The following MYH11 variants were observed in gnomAD, a reference collection of about 807,000 sequenced individuals.
MYH11 encodes the protein myosin-11.
A neutral mutation model predicts 246.6 loss-of-function variants in MYH11; 80 were observed. That is an observed-to-expected ratio of 0.32 (90% CI 0.27 to 0.39). The LOEUF (loss-of-function observed/expected upper bound fraction) is 0.39, where lower values mean the gene tolerates loss of function less well. Among genes scored for constraint, MYH11 ranks in the 10% least tolerant of loss-of-function variants. MYH11 has a pLI of 1.00. For missense variants in MYH11, 2,158 were observed against 2,546.8 expected (o/e 0.85, Z 3.29); for synonymous variants, 1,071 against 1,015.5 (o/e 1.05, Z -1.04).
At chr16:15,764,867 C>A (rs1416940830) in intron 9 of MYH11, among the ~76,000 whole-genome samples, 1 of 152,188 alleles carries the variant, frequency 6.6e-6, no homozygotes, top group Non-Finnish European at 1.5e-5. Flanking sequence ...GTAACAGATG[C>A]CCATGTTGGG....
rs2040261929 is a variant in MYH11, at chr16:15,718,073, G to C, written c.5295+242C>G. On this transcript the variant is annotated intron_variant, in intron 37 of 40. Transcript: ENST00000300036. ...ACTCCAGGGATGGCCGTGAGGTACGGGGAGCCAGCCACGCCGTGGCTGGAA... is the reference window on the plus strand; with the variant it reads ...ACTCCAGGGATGGCCGTGAGGTACGCGGAGCCAGCCACGCCGTGGCTGGAA... 3.3e-6 allele frequency: 2 copies of C among 612,898 alleles called. 1 individual carries two copies. The highest frequency in any genetic ancestry group is 5.9e-5 in the Admixed American group (2 of 33,918). The allele number at this position is 612,898 out of a possible 1,614,324, so 38.0% of individuals were successfully genotyped here.
At chr16:15,850,742 A>G (rs2044309214) in intron 1 of MYH11, among the ~76,000 whole-genome samples, 1 of 152,030 alleles carries the variant, frequency 6.6e-6, no homozygotes, top group Non-Finnish European at 1.5e-5. Context: ...AGAAAATACA[A>G]AAATTAGCCA....
intron 1 of MYH11, among the ~76,000 whole-genome samples, chr16:15,840,744 CCAAA>C (rs915289524): frequency 6.6e-6 from 1 of 151,988 alleles, no homozygotes; most frequent in Non-Finnish European, 1.5e-5. Flanking sequence ...AACCATCCAA[CCAAA>C]CAACTAAAAA....
rs111764434 is a variant in MYH11, at chr16:15,724,412, A to G, written c.4117-3T>C. On this transcript the variant is annotated splice_polypyrimidine_tract_variant and splice_region_variant and intron_variant, in intron 30 of 40. Transcript: ENST00000300036. ...AGCTTCTTCTTCGAGTCGGAGAGCTACAAGGACAGCGTCCAGGGTAGGGTG... is the reference window on the plus strand; with the variant it reads ...AGCTTCTTCTTCGAGTCGGAGAGCTGCAAGGACAGCGTCCAGGGTAGGGTG... The G allele has an allele frequency of 6.2e-7, 1 of 1,613,740 alleles. No individual in the cohort carries two copies. Among genetic ancestry groups the G allele is most frequent in the Non-Finnish European group, 8.5e-7 (1 of 1,180,022 alleles).
chr16:15,705,738 T>C (rs1350685132), intron 40 of MYH11, among the ~76,000 whole-genome samples: 1 of 151,906 alleles, frequency 6.6e-6, no homozygotes, highest in African/African-American at 2.4e-5. Flanking sequence ...TCTCAGCACT[T>C]TGGGAGGCTG....
chr16:15,837,142 C>T (rs1004457097), intron 2 of MYH11, among the ~76,000 whole-genome samples: 4 of 152,194 alleles, frequency 2.6e-5, no homozygotes, highest in African/African-American at 7.2e-5. Flanking sequence ...AATAGTCCTA[C>T]GACCAACCTG....
At chr16:15,850,106 C>T (rs959440078) in intron 1 of MYH11, among the ~76,000 whole-genome samples, 7 of 152,194 alleles carry the variant, frequency 4.6e-5, no homozygotes, top group Admixed American at 1.3e-4. Flanking sequence ...TAAATTAGGC[C>T]GGGCATGGTG....
intron 10 of MYH11, among the ~76,000 whole-genome samples, chr16:15,761,141 C>T (rs1035423788): frequency 2.0e-4 from 31 of 152,092 alleles, no homozygotes; most frequent in Non-Finnish European, 7.4e-5. Flanking sequence ...GACAGAGTCT[C>T]GCTCTGTCGC....
intron 1 of MYH11, among the ~76,000 whole-genome samples, chr16:15,850,253 T>C (rs1019034419): frequency 2.6e-5 from 4 of 151,824 alleles, no homozygotes; most frequent in Non-Finnish European, 4.4e-5. Context: ...GGTGTGGTGG[T>C]GGGCGCCTGT....
chr16:15,767,992 G>A (rs1018355434), intron 9 of MYH11, among the ~76,000 whole-genome samples: 5 of 151,746 alleles, frequency 3.3e-5, no homozygotes, highest in Admixed American at 3.3e-4. Flanking sequence ...TGCTCAGGCT[G>A]GTCTTGAACT....
At chr16:15,718,573 G>T in intron 36 of MYH11, 135 bp from the exon 37 acceptor site, 1 of 1,314,480 alleles carries the variant, frequency 7.6e-7, no homozygotes, top group Non-Finnish European at 1.0e-6. Flanking sequence ...AAGATTAGAA[G>T]ACTCATCTGT....
intron 20 of MYH11, among the ~76,000 whole-genome samples, chr16:15,743,859 G>T (rs1009425840): frequency 2.0e-5 from 3 of 152,164 alleles, no homozygotes; most frequent in African/African-American, 7.2e-5. Flanking sequence ...GGGCATATAA[G>T]GAGAAGCCTA....
intron 20 of MYH11, among the ~76,000 whole-genome samples, chr16:15,744,483 G>A (rs925095115): frequency 1.3e-5 from 2 of 149,956 alleles, no homozygotes; most frequent in Admixed American, 6.7e-5. Context: ...GTGAGCCACC[G>A]TGCCTGGCCT....
At chr16:15,848,077 C>T (rs753705794) in intron 1 of MYH11, among the ~76,000 whole-genome samples, 8 of 152,092 alleles carry the variant, frequency 5.3e-5, no homozygotes, top group Non-Finnish European at 1.0e-4. Flanking sequence ...CTGTTTTGCT[C>T]CTACGAGCCT....
chr16:15,850,651 C>T (rs1486490897), intron 1 of MYH11, among the ~76,000 whole-genome samples: 1 of 152,034 alleles, frequency 6.6e-6, no homozygotes, highest in Non-Finnish European at 1.5e-5. Context: ...AATCCCAACA[C>T]TGGGAGGCCA....
chr16:15,711,143 C>T (rs2039768791), intron 40 of MYH11: 1 of 152,286 alleles, frequency 6.6e-6, no homozygotes. Flanking sequence ...TCCCTGAAGG[C>T]TTGGTGCCCT....
At chr16:15,815,400 T>C (rs1353860011) in intron 3 of MYH11, among the ~76,000 whole-genome samples, 1 of 152,118 alleles carries the variant, frequency 6.6e-6, no homozygotes, top group African/African-American at 2.4e-5. Context: ...ATTTTTGGAA[T>C]TTAATAAAAT....
Position 15,715,189 on chromosome 16 carries a change from T to C in MYH11, c.5588A>G (p.Lys1863Arg), listed in dbSNP as rs199514546. 6.2e-7 allele frequency: 1 copy of C among 1,614,010 alleles called. No homozygotes were observed. The highest frequency in any genetic ancestry group is 2.2e-5 in the East Asian group (1 of 44,884). The change falls in exon 39 of 41, where the codon AAG becomes AGG. Residue 1863 changes from lysine (K) to arginine (R), a missense_variant. Transcript: ENST00000300036. ...EILLQVEDER[K>R]MAEQYKEQAE... Reference sequence around the variant, plus strand: ...CTGCTCCTTGTACTGCTCGGCCATCTTGCGCTCGTCCTCCACCTGCAGCAA... The same window carrying C: ...CTGCTCCTTGTACTGCTCGGCCATCCTGCGCTCGTCCTCCACCTGCAGCAA...
At chr16:15,755,963 T>C (rs1264712985) in intron 14 of MYH11, among the ~76,000 whole-genome samples, 1 of 151,918 alleles carries the variant, frequency 6.6e-6, no homozygotes, top group Non-Finnish European at 1.5e-5. Context: ...CTGGGCATGG[T>C]GGTGTACACC....
Sources: gnomAD v4.1 joint callset for allele counts (sites outside exome capture counted in the v4.1 genomes callset) on GRCh38, gnomAD v4.1.1 for gene constraint, MANE v1.5 for transcripts, NCBI Gene and HGNC (gene_info 2026-07-23, HGNC 2026-07-21) for gene names.